Variants in PDZRN4 observed in about 807,000 individuals in gnomAD.
PDZRN4 encodes the protein PDZ domain-containing RING finger protein 4.
PDZRN4 carries 70 observed loss-of-function variants against 99.0 expected under a neutral mutation model. The ratio of observed to expected loss-of-function variants is 0.71; its 90% CI spans 0.58 to 0.86. The LOEUF (loss-of-function observed/expected upper bound fraction) is 0.86. PDZRN4 is among the 40% of genes least tolerant of loss of function. The probability of loss-of-function intolerance (pLI) is 0.00; values close to 1 mark genes in which losing one functional copy is unlikely to be tolerated. For missense variants in PDZRN4, 1,474 were observed against 1,331.2 expected (o/e 1.11, Z -1.67); for synonymous variants, 551 against 501.6 (o/e 1.10, Z -1.32).
At chr12:41,311,583 T>C (rs1316085886) in intron 3 of PDZRN4, among the ~76,000 whole-genome samples, 1 of 152,182 alleles carries the variant, frequency 6.6e-6, no homozygotes, top group Non-Finnish European at 1.5e-5. Context: ...AATTATGTCT[T>C]TAGTACTTCA....
chr12:41,262,160 G>A (rs961589016), intron 3 of PDZRN4, among the ~76,000 whole-genome samples: 1 of 152,114 alleles, frequency 6.6e-6, no homozygotes, highest in African/African-American at 2.4e-5. Flanking sequence ...TCTCCAAAAC[G>A]AGGACTTCTG....
At chr12:41,308,054 C>G (rs1333148158) in intron 3 of PDZRN4, among the ~76,000 whole-genome samples, 2 of 152,068 alleles carry the variant, frequency 1.3e-5, no homozygotes, top group Non-Finnish European at 2.9e-5. Context: ...CCTTCAATAT[C>G]TGTAATTCTG....
Position 41,573,553 on chromosome 12 carries a change from TG to T in PDZRN4, c.2775del (p.Met925IlefsTer8). On this transcript the variant is annotated frameshift_variant, in exon 10 of 10. Coordinates refer to ENST00000402685, the MANE Select transcript of PDZRN4 (RefSeq NM_001164595.2). LOFTEE classifies it high-confidence loss of function. ...ALKIKEERSG[M>X]TTDDDTMSEM... Reference sequence around the variant, plus strand: ...AAGATCAAGGAAGAGCGGAGTGGCATGACCACAGACGATGACACCATGAGCG... The same window carrying T: ...AAGATCAAGGAAGAGCGGAGTGGCATACCACAGACGATGACACCATGAGCG... 5.0e-6 allele frequency: 8 copies of T among 1,612,910 alleles called. No individual in the cohort carries two copies. Among genetic ancestry groups the T allele is most frequent in the Non-Finnish European group, 5.9e-6 (7 of 1,179,628 alleles).
intron 3 of PDZRN4, among the ~76,000 whole-genome samples, chr12:41,235,723 G>A (rs1016275677): frequency 3.9e-5 from 6 of 152,060 alleles, no homozygotes; most frequent in Admixed American, 2.0e-4. Context: ...CCACATACAC[G>A]CGGGCCTCAG....
chr12:41,205,904 A>G (rs1185029328), intron 3 of PDZRN4, among the ~76,000 whole-genome samples: 3 of 151,818 alleles, frequency 2.0e-5, no homozygotes, highest in African/African-American at 7.3e-5. Flanking sequence ...CTTCTTCTAC[A>G]TTTTTCCTAT....
At chr12:41,352,784 G>C (rs911036009) in intron 3 of PDZRN4, among the ~76,000 whole-genome samples, 7 of 152,116 alleles carry the variant, frequency 4.6e-5, no homozygotes, top group African/African-American at 1.7e-4. Flanking sequence ...AAGATATAAT[G>C]ATAGGTGTGA....
At chr12:41,274,762 T>C (rs1235614415) in intron 3 of PDZRN4, among the ~76,000 whole-genome samples, 1 of 152,186 alleles carries the variant, frequency 6.6e-6, no homozygotes, top group Non-Finnish European at 1.5e-5. Flanking sequence ...GCTCAAACTT[T>C]GCCTGGTGTG....
chr12:41,314,162 C>T (rs918777784), intron 3 of PDZRN4, among the ~76,000 whole-genome samples: 1 of 152,094 alleles, frequency 6.6e-6, no homozygotes, highest in Non-Finnish European at 1.5e-5. Context: ...TAAGGATAAC[C>T]TGTAGTAAGT....
intron 3 of PDZRN4, chr12:41,460,085 T>C: frequency 7.8e-7 from 1 of 1,281,650 alleles, no homozygotes. Context: ...ATTTTCCCTA[T>C]TTATATATTT....
At chr12:41,409,983 A>G (rs1277449918) in intron 3 of PDZRN4, 1 of 152,204 alleles carries the variant, frequency 6.6e-6, no homozygotes, top group African/African-American at 2.4e-5. Flanking sequence ...AGAAACCAGT[A>G]TGACCTCATC....
At chr12:41,406,101 AAATATTTC>A (rs1167235549) in intron 3 of PDZRN4, among the ~76,000 whole-genome samples, 6 of 152,164 alleles carry the variant, frequency 3.9e-5, no homozygotes, top group African/African-American at 1.4e-4. Flanking sequence ...AAAAAAACCA[AAATATTTC>A]AATAATAAAA....
intron 3 of PDZRN4, among the ~76,000 whole-genome samples, chr12:41,296,693 C>T (rs1278627482): frequency 2.6e-5 from 4 of 152,154 alleles, no homozygotes; most frequent in African/African-American, 7.2e-5. Flanking sequence ...GGCATGGTGG[C>T]TTACACCTGT....
At chr12:41,493,700 G>T (rs1275031018) in intron 3 of PDZRN4, among the ~76,000 whole-genome samples, 1 of 152,092 alleles carries the variant, frequency 6.6e-6, no homozygotes, top group African/African-American at 2.4e-5. Context: ...CATAGTGATT[G>T]TGTCCACGAA....
chr12:41,322,134 C>T (rs1951682637), intron 3 of PDZRN4, among the ~76,000 whole-genome samples: 2 of 152,046 alleles, frequency 1.3e-5, no homozygotes, highest in Admixed American at 6.6e-5. Context: ...TGGGTTCAAG[C>T]TATCCTCCTA....
At chr12:41,296,519 A>C (rs1220836285) in intron 3 of PDZRN4, among the ~76,000 whole-genome samples, 1 of 152,174 alleles carries the variant, frequency 6.6e-6, no homozygotes, top group South Asian at 2.1e-4. Flanking sequence ...TCTTTCCTAG[A>C]GAATCCTTCT....
At chr12:41,417,353 T>C (rs1009132230) in intron 3 of PDZRN4, among the ~76,000 whole-genome samples, 1 of 152,224 alleles carries the variant, frequency 6.6e-6, no homozygotes, top group Admixed American at 6.5e-5. Context: ...TAGCACAAAC[T>C]GAATAGCATT....
At chr12:41,234,137 G>T (rs911460119) in intron 3 of PDZRN4, among the ~76,000 whole-genome samples, 1 of 151,836 alleles carries the variant, frequency 6.6e-6, no homozygotes, top group Non-Finnish European at 1.5e-5. Context: ...TATATTGATA[G>T]TTTTCCTTTA....
In PDZRN4 at chr12:41,233,410, C is replaced by T. The variant is rs535873152; in HGVS notation, c.843+39222C>T. Among the ~76,000 whole-genome samples the T allele has an allele frequency of 2.7e-4, 41 of 152,186 alleles. No individual in the cohort carries two copies. In the South Asian group the frequency reaches 8.5e-3, roughly 32 times the overall value. ...CCTCAGGGATCGAGAACCAGAAATA[C>T]CATTTGACCCAGCCATCCCATTACT... On this transcript the variant is annotated intron_variant, in intron 3 of 9. Transcript: ENST00000402685.
chr12:41,357,208 C>G (rs376254445), intron 3 of PDZRN4, among the ~76,000 whole-genome samples: 2 of 151,810 alleles, frequency 1.3e-5, no homozygotes, highest in East Asian at 3.9e-4. Flanking sequence ...CACAAAAACA[C>G]GAACACACAC....
Sources: allele counts gnomAD v4.1 joint callset (sites outside exome capture counted in the v4.1 genomes callset), GRCh38; gene constraint gnomAD v4.1.1; transcripts MANE v1.5; gene names NCBI Gene and HGNC (gene_info 2026-07-23, HGNC 2026-07-21).